The following PPP2R2C variants were observed in gnomAD, a reference collection of about 807,000 sequenced individuals.
PPP2R2C encodes protein phosphatase 2, regulatory subunit B, gamma.
In PPP2R2C, 10 loss-of-function variants were observed where a neutral mutation model predicts 45.3. The ratio of observed to expected loss-of-function variants is 0.22; its 90% CI spans 0.14 to 0.37. The LOEUF (loss-of-function observed/expected upper bound fraction) is 0.37. PPP2R2C is among the 10% of genes least tolerant of loss of function. The pLI, the probability that PPP2R2C is intolerant of heterozygous loss-of-function variation, is 1.00. For missense variants in PPP2R2C, 308 were observed against 619.7 expected, an observed-to-expected ratio of 0.50 and a Z score of 5.34; for synonymous variants, 257 against 245.4, an observed-to-expected ratio of 1.05 and a Z score of -0.44.
intron 1 of PPP2R2C, among the ~76,000 whole-genome samples, chr4:6,469,870 A>C (rs1351937138): frequency 6.6e-6 from 1 of 152,184 alleles, no homozygotes; most frequent in African/African-American, 2.4e-5. Flanking sequence ...TCTTGTTCCG[A>C]TCCTGCTCTC....
chr4:6,430,452 C>T (rs987333980), intron 1 of PPP2R2C, among the ~76,000 whole-genome samples: 6 of 152,298 alleles, frequency 3.9e-5, no homozygotes, highest in East Asian at 1.9e-4. Flanking sequence ...GACTTCCCTA[C>T]GTGACTCCCC....
intron 1 of PPP2R2C, among the ~76,000 whole-genome samples, chr4:6,559,302 G>T (rs59896557): frequency 0.026 from 3,907 of 151,984 alleles, 210 homozygotes; most frequent in East Asian, 0.23. Context: ...GTTGACTTGA[G>T]GATAAGTGAG....
chr4:6,497,484 T>C (rs4234753), intron 2 of PPP2R2C, among the ~76,000 whole-genome samples: 43,910 of 151,810 alleles, frequency 0.29, 8,159 homozygotes, highest in East Asian at 0.76. Context: ...GAAAAAAAAA[T>C]TAAAATCCCT....
intron 5 of PPP2R2C, chr4:6,350,277 T>A: frequency 1.0e-6 from 1 of 985,490 alleles, no homozygotes; most frequent in East Asian, 1.1e-4. Context: ...CTCCCATGGC[T>A]TTCCAGGACA....
chr4:6,557,905 G>T lies in PPP2R2C; in HGVS notation c.-59+5655C>A, dbSNP rs1725462804. Among the ~76,000 whole-genome samples, 2 of 152,094 alleles carry T rather than the reference G, an allele frequency of 1.3e-5. 1 individual carries two copies. Among genetic ancestry groups the T allele is most frequent in the South Asian group, 4.1e-4 (2 of 4,830 alleles). On this transcript the variant is annotated intron_variant, in intron 1 of 9. Transcript: ENST00000506140. ...AGTGAGGTGCATCCCACAGGCCCTG[G>T]TTCTACTCTCACCTGCTGCGTGACT... is the stretch of plus-strand genomic sequence containing the variant.
At chr4:6,431,600 C>T (rs1719628025) in intron 1 of PPP2R2C, among the ~76,000 whole-genome samples, 1 of 152,228 alleles carries the variant, frequency 6.6e-6, no homozygotes, top group Non-Finnish European at 1.5e-5. Context: ...CCCCCCTTCC[C>T]TGGCTCCTCT....
At chr4:6,450,930 A>C (rs988303750) in intron 1 of PPP2R2C, among the ~76,000 whole-genome samples, 1 of 152,098 alleles carries the variant, frequency 6.6e-6, no homozygotes, top group African/African-American at 2.4e-5. Context: ...TCAGCCCCAC[A>C]GTCTGGAATG....
At chr4:6,457,607 C>T (rs1429577636) in intron 1 of PPP2R2C, among the ~76,000 whole-genome samples, 1 of 152,118 alleles carries the variant, frequency 6.6e-6, no homozygotes, top group Non-Finnish European at 1.5e-5. Context: ...CTCCTGGGCT[C>T]AAGCGATCCT....
At chr4:6,481,745 G>C (rs1229741250) in intron 2 of PPP2R2C, among the ~76,000 whole-genome samples, 1 of 152,070 alleles carries the variant, frequency 6.6e-6, no homozygotes, top group Non-Finnish European at 1.5e-5. Context: ...TTGGGAGGCT[G>C]AGGCATGTGG....
intron 1 of PPP2R2C, among the ~76,000 whole-genome samples, chr4:6,551,597 CA>C (rs1725186937): frequency 6.6e-6 from 1 of 152,242 alleles, no homozygotes; most frequent in African/African-American, 2.4e-5. Context: ...AAAGGCCACA[CA>C]ACTGCCATCT....
chr4:6,524,327 T>C (rs1042975853), intron 2 of PPP2R2C, among the ~76,000 whole-genome samples: 1 of 152,248 alleles, frequency 6.6e-6, no homozygotes, highest in Non-Finnish European at 1.5e-5. Context: ...TCCATTTCCA[T>C]GCACTGTCCA....
chr4:6,539,699 G>A (rs771046609), intron 1 of PPP2R2C, among the ~76,000 whole-genome samples: 1 of 152,324 alleles, frequency 6.6e-6, no homozygotes, highest in Non-Finnish European at 1.5e-5. Flanking sequence ...TGGGGAAATG[G>A]AAGAATCAGA....
chr4:6,414,741 G>A (rs1337584236), intron 1 of PPP2R2C, among the ~76,000 whole-genome samples: 1 of 149,558 alleles, frequency 6.7e-6, no homozygotes, highest in South Asian at 2.1e-4. Context: ...GGAGGAACAG[G>A]GGGTGGGAGA....
At chr4:6,425,308 T>C (rs1354664999) in intron 1 of PPP2R2C, among the ~76,000 whole-genome samples, 4 of 152,156 alleles carry the variant, frequency 2.6e-5, no homozygotes, top group East Asian at 1.9e-4. Flanking sequence ...AAGAGCCCAA[T>C]TGCTAGCCAA....
intron 1 of PPP2R2C, among the ~76,000 whole-genome samples, chr4:6,431,823 C>T (rs1472979907): frequency 6.6e-6 from 1 of 152,172 alleles, no homozygotes; most frequent in African/African-American, 2.4e-5. Flanking sequence ...TCATTTGGGG[C>T]TGCTCCCACA....
intron 1 of PPP2R2C, among the ~76,000 whole-genome samples, chr4:6,470,985 G>C (rs925721731): frequency 3.3e-5 from 5 of 151,868 alleles, no homozygotes; most frequent in Middle Eastern, 3.4e-3. Context: ...TGCGCTCCCC[G>C]GGCCTCCGCG....
intron 8 of PPP2R2C, among the ~76,000 whole-genome samples, chr4:6,325,517 C>T (rs1407333520): frequency 2.6e-5 from 4 of 152,180 alleles, no homozygotes; most frequent in African/African-American, 9.7e-5. Context: ...GGGAACAGTT[C>T]ACAGAATGAA....
chr4:6,347,829 CAGG>C lies in PPP2R2C; in HGVS notation c.790+14_790+16del. 2 of 1,597,036 alleles carry C rather than the reference CAGG, an allele frequency of 1.3e-6. No individual in the cohort carries two copies. The highest frequency in any genetic ancestry group is 1.7e-6 in the Non-Finnish European group (2 of 1,174,338). On this transcript the variant is annotated intron_variant, in intron 6 of 8. Coordinates refer to ENST00000382599, the MANE Select transcript of PPP2R2C (RefSeq NM_020416.4). Reference sequence around the variant, plus strand: ...TGCCCAATGCACAGCCCCCCACCCCCAGGCACCGGCACTTACGCTTGGAATGCT... The same window carrying C: ...TGCCCAATGCACAGCCCCCCACCCCCCACCGGCACTTACGCTTGGAATGCT...
chr4:6,347,793 AC>A, intron 6 of PPP2R2C, 52 bp downstream of exon 6: 2 of 535,900 alleles, frequency 3.7e-6, no homozygotes, highest in Non-Finnish European at 5.9e-6. Flanking sequence ...AGGACATCCC[AC>A]CCGCCCGCCT....
Sources: allele counts gnomAD v4.1 joint callset (sites outside exome capture counted in the v4.1 genomes callset), GRCh38; gene constraint gnomAD v4.1.1; transcripts MANE v1.5; gene names NCBI Gene and HGNC (gene_info 2026-07-23, HGNC 2026-07-21).